Variants in ARK2C observed in about 807,000 individuals in gnomAD.
The protein encoded by ARK2C is arkadia (RNF111) C-terminal like ring finger ubiquitin ligase 2C, also known as E3 ubiquitin-protein ligase ARK2C.
At chr18:46,442,024 A>G in the ARK2C span, among the ~76,000 whole-genome samples, 25 of 138,140 alleles carry the variant, frequency 1.8e-4, no homozygotes, top group African/African-American at 6.2e-4. Flanking sequence ...TTAGCCGGGC[A>G]TGGTGGCGCG....
chr18:46,364,061 C>A, the ARK2C span, among the ~76,000 whole-genome samples: 1,442 of 150,102 alleles, frequency 9.6e-3, 28 homozygotes, highest in African/African-American at 0.033. Context: ...AGTTCTCATG[C>A]GTCAGCCTCC....
chr18:46,391,373 C>T, the ARK2C span, among the ~76,000 whole-genome samples: 247 of 152,186 alleles, frequency 1.6e-3, no homozygotes, highest in African/African-American at 5.7e-3. Flanking sequence ...TTCAGGTTGT[C>T]CTGGGAATCA....
At chr18:46,417,610 T>C in the ARK2C span, among the ~76,000 whole-genome samples, 1 of 152,278 alleles carries the variant, frequency 6.6e-6, no homozygotes, top group African/African-American at 2.4e-5. Context: ...CAACCTTTTC[T>C]TCTTCCTGCT....
chr18:46,424,947 G>A, the ARK2C span, among the ~76,000 whole-genome samples: 1 of 152,218 alleles, frequency 6.6e-6, no homozygotes, highest in Non-Finnish European at 1.5e-5. Context: ...TTTCAAAAAG[G>A]AGCCAGCGCT....
the ARK2C span, among the ~76,000 whole-genome samples, chr18:46,438,095 T>G: frequency 6.6e-6 from 1 of 152,316 alleles, no homozygotes; most frequent in East Asian, 1.9e-4. Context: ...GAAAATAAAG[T>G]TCAGCGTGAT....
At chr18:46,408,718 T>G in the ARK2C span, among the ~76,000 whole-genome samples, 1 of 152,358 alleles carries the variant, frequency 6.6e-6, no homozygotes, top group Non-Finnish European at 1.5e-5. Context: ...GGTCACATCC[T>G]TAGAACACAC....
chr18:46,412,344 T>A, the ARK2C span, among the ~76,000 whole-genome samples: 1 of 152,346 alleles, frequency 6.6e-6, no homozygotes, highest in South Asian at 2.1e-4. Context: ...CTTGGTTGCC[T>A]GGCAGCCCCA....
the ARK2C span, among the ~76,000 whole-genome samples, chr18:46,413,019 G>A: frequency 6.6e-6 from 1 of 152,282 alleles, no homozygotes; most frequent in African/African-American, 2.4e-5. Context: ...CCGAGAAGCT[G>A]GAGGAGTTCC....
the ARK2C span, among the ~76,000 whole-genome samples, chr18:46,341,976 C>T: frequency 2.1e-3 from 321 of 152,242 alleles, 2 homozygotes; most frequent in Non-Finnish European, 3.8e-3. Flanking sequence ...GACCCAGTAG[C>T]GTATTGGGAG....
At chr18:46,363,045 C>T in the ARK2C span, among the ~76,000 whole-genome samples, 1 of 152,326 alleles carries the variant, frequency 6.6e-6, no homozygotes, top group South Asian at 2.1e-4. Flanking sequence ...AATGGAAGCT[C>T]TCAATGGCAT....
the ARK2C span, among the ~76,000 whole-genome samples, chr18:46,422,112 G>A: frequency 9.2e-5 from 14 of 152,270 alleles, no homozygotes; most frequent in East Asian, 1.4e-3. Flanking sequence ...TAAGGAACCC[G>A]GAAAGAATGG....
chr18:46,410,877 T>G, the ARK2C span, among the ~76,000 whole-genome samples: 1 of 152,222 alleles, frequency 6.6e-6, no homozygotes, highest in East Asian at 1.9e-4. Flanking sequence ...GCCTTTGTAA[T>G]GTTTACGGGA....
chr18:46,444,873 G>T, the ARK2C span, among the ~76,000 whole-genome samples: 1 of 152,034 alleles, frequency 6.6e-6, no homozygotes, highest in African/African-American at 2.4e-5. Context: ...TCCTATTTCA[G>T]ACATTGCATT....
At chr18:46,456,252 G>T in the ARK2C span, among the ~76,000 whole-genome samples, 1 of 152,200 alleles carries the variant, frequency 6.6e-6, no homozygotes, top group Non-Finnish European at 1.5e-5. Flanking sequence ...AAATGTTCTA[G>T]ATGTGTGATG....
chr18:46,401,051 G>A, the ARK2C span, among the ~76,000 whole-genome samples: 4 of 152,124 alleles, frequency 2.6e-5, no homozygotes, highest in East Asian at 7.7e-4. Flanking sequence ...CCCCATAAGT[G>A]AGCAAGGGGC....
At chr18:46,382,459 G>A in the ARK2C span, among the ~76,000 whole-genome samples, 5 of 152,298 alleles carry the variant, frequency 3.3e-5, no homozygotes, top group South Asian at 1.0e-3. Context: ...ATCACAAAGA[G>A]GAATCCCTCC....
At chr18:46,334,671 C>CGTGTGTGTGT in the ARK2C span, 18 of 304,808 alleles carry the variant, frequency 5.9e-5, 1 homozygote, top group South Asian at 2.2e-4. This position sits in a 1 kb window ranked among gnomAD's most constrained non-coding sequence, Gnocchi z 4.4. Flanking sequence ...GATACATGAC[C>CGTGTGTGTGT]GTGTGTGTGT....
chr18:46,338,747 G>C, the ARK2C span, among the ~76,000 whole-genome samples: 8 of 152,150 alleles, frequency 5.3e-5, no homozygotes, highest in African/African-American at 1.9e-4. Flanking sequence ...GCTAAATGAG[G>C]CATTTTAGAC....
At chr18:46,359,368 C>G in the ARK2C span, among the ~76,000 whole-genome samples, 129 of 152,226 alleles carry the variant, frequency 8.5e-4, no homozygotes, top group African/African-American at 2.8e-3. Context: ...GGGATTTCAG[C>G]TGGTTCCAGG....
Sources: allele counts gnomAD v4.1 joint callset (sites outside exome capture counted in the v4.1 genomes callset), GRCh38; gene constraint gnomAD v4.1.1; non-coding constraint Gnocchi (gnomAD v3.1); transcripts MANE v1.5; gene names NCBI Gene and HGNC (gene_info 2026-07-23, HGNC 2026-07-21).